The following CHRNA7 variants were observed in gnomAD, a reference collection of about 807,000 sequenced individuals.
CHRNA7 encodes neuronal acetylcholine receptor subunit alpha-7.
In CHRNA7, 17 loss-of-function variants were observed where a neutral mutation model predicts 48.0. That is an observed-to-expected ratio of 0.35 (90% confidence interval 0.24 to 0.53). CHRNA7 has a LOEUF of 0.53. Among genes scored for constraint, CHRNA7 ranks in the 20% least tolerant of loss-of-function variants. The pLI is 0.92. For synonymous variants in CHRNA7, 75 were observed against 242.3 expected (o/e 0.31, Z 6.41); for missense variants, 155 against 577.7 (o/e 0.27, Z 7.50).
chr15:32,131,622 T>A (rs1418345218), intron 4 of CHRNA7, among the ~76,000 whole-genome samples: 2 of 152,238 alleles, frequency 1.3e-5, no homozygotes, highest in Non-Finnish European at 2.9e-5. Context: ...TTATTATGAT[T>A]GAGGTTTTAA....
At chr15:32,140,186 C>T (rs1383248390) in intron 4 of CHRNA7, among the ~76,000 whole-genome samples, 1 of 148,082 alleles carries the variant, frequency 6.8e-6, no homozygotes, top group East Asian at 2.0e-4. Context: ...GGTTTTCTGT[C>T]CTTGTGATAG....
At chr15:32,141,724 G>A (rs1405088442) in intron 4 of CHRNA7, among the ~76,000 whole-genome samples, 1 of 152,134 alleles carries the variant, frequency 6.6e-6, no homozygotes, top group Non-Finnish European at 1.5e-5. Context: ...TTCTCTGTTT[G>A]TCTGTTATTG....
chr15:32,055,230 C>CT (rs57589623), intron 2 of CHRNA7, among the ~76,000 whole-genome samples: 65 of 144,284 alleles, frequency 4.5e-4, no homozygotes, highest in East Asian at 4.2e-3. Context: ...TTCTCTCTCT[C>CT]TTTTTTTTTT....
rs77337066 is a variant in CHRNA7 at position 32,114,427 on chromosome 15, T to C, written c.350+2528T>C. On this transcript the variant is annotated intron_variant, in intron 4 of 9. Transcript: ENST00000306901. ...TCCACATGCCTGACCCAGCTGCCGGTGCAGAACCCCATCGCTCACACATCT... is the reference window on the plus strand; with the variant it reads ...TCCACATGCCTGACCCAGCTGCCGGCGCAGAACCCCATCGCTCACACATCT... Among the ~76,000 whole-genome samples, 1,108 of 152,218 alleles carry C rather than the reference T, an allele frequency of 7.3e-3. 12 individuals are homozygous for C. Among genetic ancestry groups the C allele is most frequent in the African/African-American group, 0.025 (1,053 of 41,530 alleles).
At chr15:32,064,235 C>T (rs56076445) in intron 2 of CHRNA7, among the ~76,000 whole-genome samples, 11,743 of 152,056 alleles carry the variant, frequency 0.077, 590 homozygotes, top group East Asian at 0.13. Flanking sequence ...CTTCTTCTTT[C>T]TTCCTCCCCG....
chr15:32,030,871 C>A, intron 1 of CHRNA7, 27 bp from the exon 2 acceptor site: 2 of 1,610,834 alleles, frequency 1.2e-6, no homozygotes, highest in South Asian at 1.1e-5. Context: ...TGCCCTGAGC[C>A]CCCTGCCCGG....
At chr15:32,068,859 C>T (rs2050008767) in intron 2 of CHRNA7, among the ~76,000 whole-genome samples, 1 of 151,722 alleles carries the variant, frequency 6.6e-6, no homozygotes, top group East Asian at 1.9e-4. Flanking sequence ...ATACATGAAG[C>T]AAAAAGAGAC....
intron 2 of CHRNA7, among the ~76,000 whole-genome samples, chr15:32,094,432 A>C (rs912281310): frequency 1.3e-5 from 2 of 152,240 alleles, no homozygotes; most frequent in African/African-American, 2.4e-5. Flanking sequence ...TGCAGAGCTA[A>C]ATGAATAAAC....
chr15:32,063,648 C>T (rs754304120), intron 2 of CHRNA7, among the ~76,000 whole-genome samples: 3 of 152,138 alleles, frequency 2.0e-5, no homozygotes, highest in Non-Finnish European at 4.4e-5. Flanking sequence ...CAGCATCCCT[C>T]CCCTTCTTGG....
At chr15:32,143,983 C>T (rs1054054935) in intron 4 of CHRNA7, among the ~76,000 whole-genome samples, 1 of 152,098 alleles carries the variant, frequency 6.6e-6, no homozygotes, top group Non-Finnish European at 1.5e-5. Flanking sequence ...GATTATTTTG[C>T]CTGTTAATTG....
chr15:32,140,680 G>A (rs1157743908), intron 4 of CHRNA7, among the ~76,000 whole-genome samples: 1 of 152,222 alleles, frequency 6.6e-6, no homozygotes, highest in Admixed American at 6.5e-5. Flanking sequence ...GGCCAGTGAT[G>A]ATGAGCATTT....
intron 2 of CHRNA7, among the ~76,000 whole-genome samples, chr15:32,097,126 T>G (rs1388204954): frequency 6.6e-6 from 1 of 152,186 alleles, no homozygotes; most frequent in East Asian, 1.9e-4. Flanking sequence ...CATCCCTGTT[T>G]CGGAGGAGAG....
intron 2 of CHRNA7, among the ~76,000 whole-genome samples, chr15:32,070,819 T>TG (rs2050046336): frequency 6.6e-6 from 1 of 151,762 alleles, no homozygotes; most frequent in Non-Finnish European, 1.5e-5. Flanking sequence ...CCCGAGTAGC[T>TG]GGGACTACAG....
At chr15:32,061,045 A>C (rs2049870823) in intron 2 of CHRNA7, among the ~76,000 whole-genome samples, 1 of 152,138 alleles carries the variant, frequency 6.6e-6, no homozygotes, top group African/African-American at 2.4e-5. Flanking sequence ...GCCCTGTTTC[A>C]CAATAAGCAT....
intron 4 of CHRNA7, among the ~76,000 whole-genome samples, chr15:32,132,435 G>A (rs192563545): frequency 1.3e-5 from 2 of 152,298 alleles, no homozygotes; most frequent in East Asian, 3.9e-4. Flanking sequence ...TATGGATTAT[G>A]TGAAGACTTC....
At chr15:32,035,620 G>C (rs541696639) in intron 2 of CHRNA7, among the ~76,000 whole-genome samples, 54 of 152,258 alleles carry the variant, frequency 3.5e-4, no homozygotes, top group African/African-American at 1.3e-3. Flanking sequence ...GGGGCCCTCT[G>C]TGTAGGTTTG....
At chr15:32,151,773 T>C (rs2051634964) in intron 4 of CHRNA7, among the ~76,000 whole-genome samples, 1 of 152,264 alleles carries the variant, frequency 6.6e-6, no homozygotes, top group African/African-American at 2.4e-5. Flanking sequence ...GATTTTTCCT[T>C]CTTTTCATTG....
chr15:32,120,675 A>C (rs1489764656), intron 4 of CHRNA7, among the ~76,000 whole-genome samples: 1 of 151,884 alleles, frequency 6.6e-6, no homozygotes, highest in Non-Finnish European at 1.5e-5. Context: ...ATGGTGTTGC[A>C]TTGAGGTGGC....
chr15:32,151,296 G>C (rs892978151), intron 4 of CHRNA7, among the ~76,000 whole-genome samples: 2 of 151,904 alleles, frequency 1.3e-5, no homozygotes, highest in Admixed American at 1.3e-4. Context: ...CTTTTTCTAG[G>C]CCTCCTGCTC....
Sources: allele counts gnomAD v4.1 joint callset (sites outside exome capture counted in the v4.1 genomes callset), GRCh38; gene constraint gnomAD v4.1.1; transcripts MANE v1.5; gene names NCBI Gene and HGNC (gene_info 2026-07-23, HGNC 2026-07-21).